Variants in EIF4EBP2 observed in about 807,000 individuals in gnomAD.
The protein encoded by EIF4EBP2 is eukaryotic translation initiation factor 4E-binding protein 2.
A neutral mutation model predicts 10.3 loss-of-function variants in EIF4EBP2; 5 were observed. The observed-to-expected ratio is 0.48, with a 90% CI of 0.25 to 1.02. EIF4EBP2 has a LOEUF of 1.02. Among genes scored for constraint, EIF4EBP2 ranks in the 50% least tolerant of loss-of-function variants. EIF4EBP2 has a pLI of 0.15. For missense variants in EIF4EBP2, 188 were observed against 162.2 expected (o/e 1.16, Z -0.86); for synonymous variants, 67 against 61.1 (o/e 1.10, Z -0.45).
rs1297328311 is a variant in EIF4EBP2 at position 70,425,674 on chromosome 10, C to G, written c.*3927C>G. The G allele has an allele frequency of 6.6e-6, 1 of 152,148 alleles. No homozygotes were observed. Among genetic ancestry groups the G allele is most frequent in the African/African-American group, 2.4e-5 (1 of 41,438 alleles). 9.4% of individuals were successfully genotyped at this position (152,148 alleles called of 1,614,324 possible). Reference sequence around the variant, plus strand: ...AGTATGCTTATTTGCACATCCTAGACTTGGTGTCTGTAAGACTCAGTTACC... The same window carrying G: ...AGTATGCTTATTTGCACATCCTAGAGTTGGTGTCTGTAAGACTCAGTTACC... On this transcript the variant is annotated 3_prime_UTR_variant, in exon 3 of 3. Transcript: ENST00000373218.
At chr10:70,410,742 A>G (rs1352616040) in intron 1 of EIF4EBP2, among the ~76,000 whole-genome samples, 1 of 152,230 alleles carries the variant, frequency 6.6e-6, no homozygotes, top group Non-Finnish European at 1.5e-5. Context: ...AGAGAAAGAC[A>G]GGCTTAGACT....
intron 1 of EIF4EBP2, among the ~76,000 whole-genome samples, chr10:70,418,312 C>T (rs949093638): frequency 4.6e-5 from 7 of 152,220 alleles, no homozygotes; most frequent in Non-Finnish European, 8.8e-5. Flanking sequence ...AACTATGAGA[C>T]AATTTCTGTT....
At chr10:70,419,449 T>G (rs1845132217) in intron 1 of EIF4EBP2, among the ~76,000 whole-genome samples, 1 of 152,248 alleles carries the variant, frequency 6.6e-6, no homozygotes, top group South Asian at 2.1e-4. Context: ...TGTTTATTTT[T>G]TCTCATACTT....
Position 70,421,825 on chromosome 10 carries a change from GAA to G in EIF4EBP2, c.*81_*82del. On this transcript the variant is annotated 3_prime_UTR_variant, in exon 3 of 3. Coordinates refer to ENST00000373218, the MANE Select transcript of EIF4EBP2 (RefSeq NM_004096.5). ...TGATTTGGCCAATAGGATCAACAGT[GAA>G]AAGACAGAAGAGGCAATACCAGCAG... The G allele has an allele frequency of 7.1e-7, 1 of 1,414,052 alleles. No homozygotes were observed. The allele number at this position is 1,414,052 out of a possible 1,614,324, so 87.6% of individuals were successfully genotyped here.
chr10:70,419,318 G>A (rs913578462), intron 1 of EIF4EBP2, among the ~76,000 whole-genome samples: 1 of 152,226 alleles, frequency 6.6e-6, no homozygotes, highest in Non-Finnish European at 1.5e-5. Flanking sequence ...CATTCAGGTA[G>A]CACTTAACTG....
intron 1 of EIF4EBP2, among the ~76,000 whole-genome samples, chr10:70,414,404 AT>A (rs1264661667): frequency 2.6e-5 from 4 of 152,196 alleles, no homozygotes; most frequent in Non-Finnish European, 4.4e-5. Context: ...TCCTGGCTAT[AT>A]TTGAGAACAT....
intron 1 of EIF4EBP2, among the ~76,000 whole-genome samples, chr10:70,408,195 C>A (rs1314126297): frequency 1.4e-5 from 2 of 143,342 alleles, no homozygotes; most frequent in Non-Finnish European, 3.1e-5. Context: ...GGGCGGCTGG[C>A]CGGGCGGGGG....
chr10:70,413,609 CAAAAAAAAA>C (rs57681671), intron 1 of EIF4EBP2, among the ~76,000 whole-genome samples: 2 of 97,370 alleles, frequency 2.1e-5, no homozygotes, highest in Admixed American at 1.2e-4. Flanking sequence ...CCCTGACTCT[CAAAAAAAAA>C]AAAAAAAAAA....
At position 70,422,605 on chromosome 10, in the gene EIF4EBP2, T is replaced by C. The variant is rs1192590329; in HGVS notation, c.*858T>C. The stretch of plus-strand genomic sequence containing the variant: ...AAGAAAGCAAAGTGATTTTGTCTGC[T>C]CCTAGAGCAGGTCCATACCAAGTAA... On this transcript the variant is annotated 3_prime_UTR_variant, in exon 3 of 3. Coordinates refer to ENST00000373218, the MANE Select transcript of EIF4EBP2 (RefSeq NM_004096.5). 1.3e-5 allele frequency: 2 copies of C among 152,214 alleles called. No homozygotes were observed. The highest frequency in any genetic ancestry group is 4.8e-5 in the African/African-American group (2 of 41,456). 9.4% of individuals were successfully genotyped at this position (152,214 alleles called of 1,614,324 possible). A position where few individuals can be genotyped will look rare whatever the true frequency, so the allele number is the denominator to read the frequency against.
chr10:70,419,893 CTT>C lies in EIF4EBP2; in HGVS notation c.146-17_146-16del. The C allele has an allele frequency of 1.3e-6, 2 of 1,540,130 alleles. No homozygotes were observed. Among genetic ancestry groups the C allele is most frequent in the South Asian group, 1.3e-5 (1 of 79,698 alleles). On this transcript the variant is annotated intron_variant, in intron 1 of 2. Coordinates refer to ENST00000373218, the MANE Select transcript of EIF4EBP2 (RefSeq NM_004096.5). ...ATAACCCCTTAAATTGTTTCAAACT[CTT>C]TTTAACCCTGTTTTCCAGGAACTCG...
rs1845198541 is a variant in EIF4EBP2 at position 70,425,553 on chromosome 10, A to G, written c.*3806A>G. On this transcript the variant is annotated 3_prime_UTR_variant, in exon 3 of 3. Coordinates refer to ENST00000373218, the MANE Select transcript of EIF4EBP2 (RefSeq NM_004096.5). ...ATAGCCAAACTGGGATAGAAGGCAA[A>G]CTCCCCAAAGCTACCTGCTGGTTTT... is the stretch of plus-strand genomic sequence containing the variant. 6.6e-6 allele frequency: 1 copy of G among 152,182 alleles called. No homozygotes were observed. Among genetic ancestry groups the G allele is most frequent in the Non-Finnish European group, 1.5e-5 (1 of 68,046 alleles). The allele number at this position is 152,182 out of a possible 1,614,324, so 9.4% of individuals were successfully genotyped here.
intron 1 of EIF4EBP2, among the ~76,000 whole-genome samples, chr10:70,406,602 CT>C (rs1428152136): frequency 6.6e-6 from 1 of 152,188 alleles, no homozygotes; most frequent in African/African-American, 2.4e-5. Context: ...AGCTACCATA[CT>C]TTTAAAAATA....
At position 70,406,981 on chromosome 10, in the gene EIF4EBP2, T is replaced by C. The variant is rs189450442; in HGVS notation, c.145+2435T>C. 1.4e-3 allele frequency among the ~76,000 whole-genome samples: 206 copies of C among 152,322 alleles called. 2 individuals carry two copies. The highest frequency in any genetic ancestry group is 0.01 in the Middle Eastern group (3 of 294). ...GGCGCGATCTCGGCTCACTGCAAGCTCTGCCTCCTGGGTTCACGCCATTCT... is the reference window on the plus strand; with the variant it reads ...GGCGCGATCTCGGCTCACTGCAAGCCCTGCCTCCTGGGTTCACGCCATTCT... On this transcript the variant is annotated intron_variant, in intron 1 of 2. Coordinates refer to ENST00000373218, the MANE Select transcript of EIF4EBP2 (RefSeq NM_004096.5).
intron 1 of EIF4EBP2, among the ~76,000 whole-genome samples, chr10:70,407,850 CG>C (rs1173967492): frequency 3.2e-5 from 4 of 123,582 alleles, no homozygotes; most frequent in Admixed American, 8.4e-5. Flanking sequence ...GCTGGCCGGG[CG>C]GGGGGCTGAC....
chr10:70,418,382 T>C (rs1845119381), intron 1 of EIF4EBP2, among the ~76,000 whole-genome samples: 1 of 152,210 alleles, frequency 6.6e-6, no homozygotes, highest in Admixed American at 6.5e-5. Context: ...TGAGTCATAG[T>C]AGTAGCCTGG....
intron 1 of EIF4EBP2, among the ~76,000 whole-genome samples, chr10:70,408,302 C>T (rs961568620): frequency 3.3e-5 from 5 of 151,952 alleles, no homozygotes; most frequent in Admixed American, 6.5e-5. Flanking sequence ...CGCCCCTCAC[C>T]TCCCGGACGG....
Position 70,421,768 on chromosome 10 carries a change from G to A in EIF4EBP2, c.*21G>A. On this transcript the variant is annotated 3_prime_UTR_variant, in exon 3 of 3. Coordinates refer to ENST00000373218, the MANE Select transcript of EIF4EBP2 (RefSeq NM_004096.5). ...TCTGACTCTCCTGCAAGGATTAGAA[G>A]AAAAGCAGCAACACTGATACTTGTG... is the stretch of plus-strand genomic sequence containing the variant. 1.9e-6 allele frequency: 3 copies of A among 1,611,740 alleles called. No individual in the cohort carries two copies. Among genetic ancestry groups the A allele is most frequent in the Non-Finnish European group, 2.5e-6 (3 of 1,179,188 alleles).
chr10:70,405,074 C>T (rs1242229764), intron 1 of EIF4EBP2, among the ~76,000 whole-genome samples: 1 of 152,200 alleles, frequency 6.6e-6, no homozygotes, highest in Non-Finnish European at 1.5e-5. Flanking sequence ...AGCGTTATCC[C>T]GCTTTGACAG....
chr10:70,408,595 T>C lies in EIF4EBP2; in HGVS notation c.145+4049T>C, dbSNP rs1845008816. On this transcript the variant is annotated intron_variant, in intron 1 of 2. Coordinates refer to ENST00000373218, the MANE Select transcript of EIF4EBP2 (RefSeq NM_004096.5). ...TAATGCTACATTCATCTTCCTCTCATCATGTAATTTTATTTCCCTCAACCA... is the reference window on the plus strand; with the variant it reads ...TAATGCTACATTCATCTTCCTCTCACCATGTAATTTTATTTCCCTCAACCA... Among the ~76,000 whole-genome samples, 3 of 152,250 alleles carry C rather than the reference T, an allele frequency of 2.0e-5. No homozygotes were observed. In the South Asian group the frequency reaches 6.2e-4, roughly 31 times the overall value.
Sources: gnomAD v4.1 joint callset for allele counts (sites outside exome capture counted in the v4.1 genomes callset) on GRCh38, gnomAD v4.1.1 for gene constraint, MANE v1.5 for transcripts, NCBI Gene and HGNC (gene_info 2026-07-23, HGNC 2026-07-21) for gene names.